The following LYPLAL1 variants were observed in gnomAD, a reference collection of about 807,000 sequenced individuals.
LYPLAL1 encodes lysophospholipase-like protein 1.
A neutral mutation model predicts 19.7 loss-of-function variants in LYPLAL1; 23 were observed. The ratio of observed to expected loss-of-function variants is 1.17; its 90% CI spans 0.84 to 1.65. The LOEUF is 1.65. Ranked by LOEUF, LYPLAL1 falls within the 40% of genes most tolerant of loss-of-function variation. LYPLAL1 has a pLI of 0.00. For missense variants in LYPLAL1, 355 were observed against 279.4 expected (o/e 1.27, Z -1.93); for synonymous variants, 119 against 96.3 (o/e 1.24, Z -1.38).
the LYPLAL1 span, among the ~76,000 whole-genome samples, chr1:219,233,364 T>G: frequency 6.6e-6 from 1 of 152,298 alleles, no homozygotes; most frequent in South Asian, 2.1e-4. Flanking sequence ...GATAGGGAAT[T>G]GTAAAACAGG....
At chr1:219,264,960 T>C in the LYPLAL1 span, among the ~76,000 whole-genome samples, 2 of 152,222 alleles carry the variant, frequency 1.3e-5, no homozygotes, top group Non-Finnish European at 2.9e-5. Context: ...AAATATCTAA[T>C]TTATTTATTA....
chr1:219,219,484 C>G, the LYPLAL1 span, among the ~76,000 whole-genome samples: 4 of 152,146 alleles, frequency 2.6e-5, no homozygotes, highest in African/African-American at 7.2e-5. Flanking sequence ...AACAGGTGAC[C>G]ATGTCCTCAG....
the LYPLAL1 span, among the ~76,000 whole-genome samples, chr1:219,416,192 G>GT: frequency 6.6e-6 from 1 of 152,090 alleles, no homozygotes; most frequent in South Asian, 2.1e-4. Flanking sequence ...GATATGCTTA[G>GT]TTTTTACCTA....
At chr1:219,183,989 C>G (rs1216355838) in intron 2 of LYPLAL1, among the ~76,000 whole-genome samples, 1 of 151,864 alleles carries the variant, frequency 6.6e-6, no homozygotes, top group African/African-American at 2.4e-5. Flanking sequence ...GTAATTATCA[C>G]AGCTGTATAG....
the LYPLAL1 span, among the ~76,000 whole-genome samples, chr1:219,376,725 T>TA: frequency 4.6e-5 from 7 of 152,226 alleles, no homozygotes; most frequent in Middle Eastern, 3.2e-3. Context: ...TTAACATTGC[T>TA]AATCATTATG....
intron 4 of LYPLAL1, 32 bp from the exon 5 acceptor site, chr1:219,211,460 A>C: frequency 2.9e-6 from 4 of 1,379,414 alleles, no homozygotes; most frequent in Non-Finnish European, 4.0e-6. Flanking sequence ...GGAATTTCTT[A>C]AACTTTTCTG....
chr1:219,440,171 T>C, the LYPLAL1 span, among the ~76,000 whole-genome samples: 2 of 151,400 alleles, frequency 1.3e-5, no homozygotes, highest in African/African-American at 2.4e-5. Flanking sequence ...CCATTGGGAG[T>C]TCCTTATTTT....
the LYPLAL1 span, among the ~76,000 whole-genome samples, chr1:219,283,293 C>A: frequency 6.6e-6 from 1 of 151,968 alleles, no homozygotes; most frequent in African/African-American, 2.4e-5. Context: ...AAAGAAAATC[C>A]GGGTGTAACT....
chr1:219,413,152 T>G, the LYPLAL1 span, among the ~76,000 whole-genome samples: 1 of 151,028 alleles, frequency 6.6e-6, no homozygotes, highest in Non-Finnish European at 1.5e-5. Context: ...AAAAAAAAAA[T>G]GGAAGGTTGG....
chr1:219,326,067 C>T, the LYPLAL1 span, among the ~76,000 whole-genome samples: 4 of 152,120 alleles, frequency 2.6e-5, no homozygotes, highest in Non-Finnish European at 5.9e-5. Context: ...GCACCCACCA[C>T]TATGCCCTGC....
chr1:219,178,144 A>G (rs1271108551), intron 1 of LYPLAL1, among the ~76,000 whole-genome samples: 1 of 152,228 alleles, frequency 6.6e-6, no homozygotes, highest in Non-Finnish European at 1.5e-5. Flanking sequence ...AAAATACATC[A>G]TAAACTTCCT....
the LYPLAL1 span, among the ~76,000 whole-genome samples, chr1:219,416,924 T>C: frequency 6.6e-6 from 1 of 152,204 alleles, no homozygotes; most frequent in Admixed American, 6.5e-5. Flanking sequence ...TCAATTAGCC[T>C]GGGCTTATGG....
At chr1:219,382,617 C>G in the LYPLAL1 span, among the ~76,000 whole-genome samples, 5 of 152,198 alleles carry the variant, frequency 3.3e-5, no homozygotes, top group African/African-American at 1.2e-4. Context: ...CAGCCTTGGC[C>G]TCCCAAAGTG....
At chr1:219,192,408 A>G (rs1338589018) in intron 2 of LYPLAL1, among the ~76,000 whole-genome samples, 1 of 151,660 alleles carries the variant, frequency 6.6e-6, no homozygotes, top group Non-Finnish European at 1.5e-5. Context: ...TCATTGGTTT[A>G]GAGTTCTTTC....
the LYPLAL1 span, among the ~76,000 whole-genome samples, chr1:219,274,493 C>T: frequency 2.0e-5 from 3 of 152,138 alleles, no homozygotes; most frequent in Non-Finnish European, 4.4e-5. Context: ...TCAAGCGATT[C>T]TCCTGCCTCA....
chr1:219,404,637 A>G, the LYPLAL1 span, among the ~76,000 whole-genome samples: 1 of 152,370 alleles, frequency 6.6e-6, no homozygotes, highest in Non-Finnish European at 1.5e-5. Context: ...GCTGGAAATC[A>G]AAGAGATGTT....
the LYPLAL1 span, among the ~76,000 whole-genome samples, chr1:219,236,447 C>T: frequency 6.6e-6 from 1 of 152,188 alleles, no homozygotes; most frequent in South Asian, 2.1e-4. Flanking sequence ...TTGTCTGTAT[C>T]AGACCTCTTG....
the LYPLAL1 span, among the ~76,000 whole-genome samples, chr1:219,251,087 G>A: frequency 6.6e-6 from 1 of 151,030 alleles, no homozygotes; most frequent in Non-Finnish European, 1.5e-5. Context: ...CATGCTTGTT[G>A]GCTGCATGGC....
the LYPLAL1 span, among the ~76,000 whole-genome samples, chr1:219,347,079 G>A: frequency 6.6e-6 from 1 of 151,932 alleles, no homozygotes; most frequent in Non-Finnish European, 1.5e-5. Flanking sequence ...CCTCTTTTCT[G>A]TGTTTTATTC....
Sources: allele counts gnomAD v4.1 joint callset (sites outside exome capture counted in the v4.1 genomes callset), GRCh38; gene constraint gnomAD v4.1.1; transcripts MANE v1.5; gene names NCBI Gene and HGNC (gene_info 2026-07-23, HGNC 2026-07-21).